PRKD1: variants seen among roughly 807,000 people sequenced by gnomAD.
The protein encoded by PRKD1 is protein kinase D1.
PRKD1 carries 63 observed loss-of-function variants against 95.9 expected under a neutral mutation model. That is an observed-to-expected ratio of 0.66 (90% CI 0.54 to 0.81). PRKD1 has a LOEUF of 0.81. Among genes scored for constraint, PRKD1 ranks in the 30% least tolerant of loss-of-function variants. PRKD1 has a pLI of 0.00. For missense variants in PRKD1, 1,048 were observed against 1,165.3 expected (o/e 0.90, Z 1.47); for synonymous variants, 425 against 423.1 (o/e 1.00, Z -0.05).
At chr14:29,612,800 T>C (rs1193968871) in intron 13 of PRKD1, among the ~76,000 whole-genome samples, 1 of 152,168 alleles carries the variant, frequency 6.6e-6, no homozygotes. Flanking sequence ...AGAAATAGTT[T>C]CATAAAAATT....
Position 29,923,896 on chromosome 14 carries a change from C to T in PRKD1, c.264+3353G>A, listed in dbSNP as rs45457291. 1.1e-3 allele frequency among the ~76,000 whole-genome samples: 161 copies of T among 151,216 alleles called. 1 individual carries two copies. The East Asian group carries it at 0.028, about 26-fold the overall frequency. On this transcript the variant is annotated intron_variant, in intron 1 of 17. Transcript: ENST00000331968. ...GATGTACTATGAAACCAAACTAGCT[C>T]TTCCTCTGGAATTTTTTTCCTTGCT... is the stretch of plus-strand genomic sequence containing the variant.
At chr14:29,828,973 C>A (rs1202801126) in intron 1 of PRKD1, among the ~76,000 whole-genome samples, 2 of 151,952 alleles carry the variant, frequency 1.3e-5, no homozygotes, top group African/African-American at 4.9e-5. Flanking sequence ...TTTTGGAGTG[C>A]TCCCTCTTGG....
At chr14:29,583,250 G>C (rs543763794) in intron 16 of PRKD1, among the ~76,000 whole-genome samples, 1 of 152,106 alleles carries the variant, frequency 6.6e-6, no homozygotes, top group Non-Finnish European at 1.5e-5. Context: ...AACATAGTGC[G>C]GTCTTTCAGT....
intron 2 of PRKD1, among the ~76,000 whole-genome samples, chr14:29,706,053 A>G (rs372382619): frequency 7.8e-4 from 119 of 152,242 alleles, no homozygotes; most frequent in African/African-American, 2.7e-3. Context: ...ACCATTTTAC[A>G]TTCCATCAAC....
intron 1 of PRKD1, among the ~76,000 whole-genome samples, chr14:29,884,004 A>G (rs1893607781): frequency 6.6e-6 from 1 of 152,206 alleles, no homozygotes; most frequent in African/African-American, 2.4e-5. Flanking sequence ...TGATCATCAA[A>G]TGGCAACTCC....
At chr14:29,777,871 C>T (rs1015673782) in intron 1 of PRKD1, among the ~76,000 whole-genome samples, 1 of 152,054 alleles carries the variant, frequency 6.6e-6, no homozygotes, top group African/African-American at 2.4e-5. Context: ...ACACTTATTC[C>T]AAAATTGACC....
At chr14:29,614,706 T>TA (rs886524589) in intron 13 of PRKD1, among the ~76,000 whole-genome samples, 7 of 150,158 alleles carry the variant, frequency 4.7e-5, no homozygotes, top group Admixed American at 4.7e-4. Context: ...TACACATATA[T>TA]TTTTTTTTTT....
At chr14:29,718,343 T>C (rs1338017180) in intron 2 of PRKD1, among the ~76,000 whole-genome samples, 1 of 152,134 alleles carries the variant, frequency 6.6e-6, no homozygotes, top group Non-Finnish European at 1.5e-5. Context: ...GCTACTGCCA[T>C]GTGAAGAAGG....
At chr14:29,805,293 T>C (rs1202700097) in intron 1 of PRKD1, among the ~76,000 whole-genome samples, 2 of 152,212 alleles carry the variant, frequency 1.3e-5, no homozygotes, top group Non-Finnish European at 2.9e-5. Flanking sequence ...TAAGAGGTAT[T>C]TGACCATAAC....
chr14:29,674,250 T>G (rs150586568), intron 2 of PRKD1, among the ~76,000 whole-genome samples: 3 of 152,182 alleles, frequency 2.0e-5, no homozygotes, highest in Non-Finnish European at 1.5e-5. Context: ...CTATAAAAAC[T>G]AGTATTATTT....
intron 2 of PRKD1, among the ~76,000 whole-genome samples, chr14:29,701,499 C>T (rs945082646): frequency 2.6e-5 from 4 of 152,190 alleles, no homozygotes; most frequent in African/African-American, 9.7e-5. Flanking sequence ...CAACGAATAT[C>T]TTTTCCTCAT....
At chr14:29,591,365 T>A (rs1893122083) in intron 16 of PRKD1, 1 of 152,160 alleles carries the variant, frequency 6.6e-6, no homozygotes, top group Non-Finnish European at 1.5e-5. Flanking sequence ...ATAAATTTTA[T>A]AATGTATCTA....
chr14:29,636,193 C>T (rs1216096568), intron 7 of PRKD1, 97 bp downstream of exon 7: 8 of 1,428,088 alleles, frequency 5.6e-6, no homozygotes, highest in South Asian at 1.2e-5. Context: ...GTGCACTTCA[C>T]ATTTCTACTA....
intron 1 of PRKD1, among the ~76,000 whole-genome samples, chr14:29,798,215 T>C (rs1889894069): frequency 6.6e-6 from 1 of 152,228 alleles, no homozygotes; most frequent in Admixed American, 6.5e-5. Flanking sequence ...TATATTTTTT[T>C]CTTTGAGAAT....
chr14:29,927,379 G>C lies in PRKD1; in HGVS notation c.134C>G (p.Pro45Arg), dbSNP rs1339474902. Reference sequence around the variant, plus strand: ...CAGATGGAACGAGATGCCCCCGACCGGGGCCGCGACAGGAGCCAAGAACGG... The same window carrying C: ...CAGATGGAACGAGATGCCCCCGACCCGGGCCGCGACAGGAGCCAAGAACGG... ...PAPFLAPVAAPVGGISFHLQI... is the reference protein window; with the variant it reads ...PAPFLAPVAARVGGISFHLQI... The change falls in exon 1 of 18, where the codon CCG becomes CGG. Residue 45 changes from proline to arginine, a missense_variant. By Grantham distance (103) the Pro-to-Arg change is moderately radical. Around this residue, in one of 3 missense-constraint regions of PRKD1, gnomAD observed 275 missense variants for 248.6 expected, o/e 1.11. Transcript: ENST00000331968. 1 of 1,555,992 alleles carries C rather than the reference G, an allele frequency of 6.4e-7. No homozygotes were observed. The highest frequency in any genetic ancestry group is 1.9e-5 in the Admixed American group (1 of 53,692).
intron 1 of PRKD1, among the ~76,000 whole-genome samples, chr14:29,907,422 A>C (rs571308606): frequency 4.7e-4 from 72 of 152,356 alleles, no homozygotes; most frequent in Middle Eastern, 3.4e-3. Flanking sequence ...CATAACAAGA[A>C]AATAATGAGA....
At chr14:29,778,376 T>A (rs1054886217) in intron 1 of PRKD1, among the ~76,000 whole-genome samples, 1 of 151,886 alleles carries the variant, frequency 6.6e-6, no homozygotes, top group Non-Finnish European at 1.5e-5. Context: ...TCAAAAAAAA[T>A]TGATAGACCA....
chr14:29,763,222 A>T (rs1888084938), intron 1 of PRKD1, among the ~76,000 whole-genome samples: 2 of 149,714 alleles, frequency 1.3e-5, no homozygotes, highest in Non-Finnish European at 3.0e-5. Flanking sequence ...GGTTGAGCCC[A>T]AGAGGTTGAG....
chr14:29,838,549 C>CA (rs1566629179), intron 1 of PRKD1, among the ~76,000 whole-genome samples: 3 of 151,616 alleles, frequency 2.0e-5, no homozygotes, highest in African/African-American at 4.8e-5. Context: ...GCACAGTGAT[C>CA]AAAAAAAAGT....
Sources: allele counts gnomAD v4.1 joint callset (sites outside exome capture counted in the v4.1 genomes callset), GRCh38; gene constraint gnomAD v4.1.1; regional missense constraint gnomAD v4.1.1; transcripts MANE v1.5; gene names NCBI Gene and HGNC (gene_info 2026-07-23, HGNC 2026-07-21).